Variants in DNAH6 observed in about 807,000 individuals in gnomAD.
DNAH6 encodes dynein axonemal heavy chain 6, also known as axonemal beta dynein heavy chain 6.
In DNAH6, 340 loss-of-function variants were observed where a neutral mutation model predicts 491.4. That is an observed-to-expected ratio of 0.69 (90% CI 0.63 to 0.76). DNAH6 has a LOEUF of 0.76. Among genes scored for constraint, DNAH6 ranks in the 30% least tolerant of loss-of-function variants. The pLI, the probability that DNAH6 is intolerant of heterozygous loss-of-function variation, is 0.00. For missense variants in DNAH6, 4,443 were observed against 4,972.2 expected (o/e 0.89, Z 3.20); for synonymous variants, 1,603 against 1,686.1 (o/e 0.95, Z 1.21).
Position 84,745,186 on chromosome 2 carries a change from A to G in DNAH6, c.10449A>G (p.Pro3483=), listed in dbSNP as rs763148611. 319 of 1,549,240 alleles carry G rather than the reference A, an allele frequency of 2.1e-4. No individual in the cohort carries two copies. The highest frequency in any genetic ancestry group is 2.7e-4 in the Non-Finnish European group (312 of 1,145,976). The change falls in exon 63 of 77, where the codon CCA becomes CCG. Residue 3483 remains proline, a synonymous_variant. Coordinates refer to ENST00000389394, the MANE Select transcript of DNAH6 (RefSeq NM_001370.2). ...RQEKEAAHQD[P]WSAGLSSFHK... is the part of the protein sequence containing the mutation. ...AAAAGGAGGCAGCACACCAAGATCC[A>G]TGGAGTGCAGGATTGAGTTCTTTCC... is the stretch of plus-strand genomic sequence containing the variant.
At chr2:84,672,548 A>G in intron 40 of DNAH6, 64 bp downstream of exon 40, 2 of 1,421,508 alleles carry the variant, frequency 1.4e-6, no homozygotes, top group Non-Finnish European at 1.9e-6. Context: ...TATGATGTAT[A>G]GTTTGTGAGA....
At chr2:84,519,622 T>C (rs1363685988) in intron 2 of DNAH6, among the ~76,000 whole-genome samples, 1 of 147,094 alleles carries the variant, frequency 6.8e-6, no homozygotes, top group Non-Finnish European at 1.5e-5. Flanking sequence ...TATTCTCCTC[T>C]TCCCCCCTTC....
intron 62 of DNAH6, among the ~76,000 whole-genome samples, chr2:84,738,395 G>C (rs1247261182): frequency 6.6e-6 from 1 of 151,990 alleles, no homozygotes; most frequent in Non-Finnish European, 1.5e-5. Context: ...GTCCAGAATT[G>C]GTCAATTTTC....
intron 4 of DNAH6, among the ~76,000 whole-genome samples, chr2:84,531,083 G>T (rs910580365): frequency 6.6e-6 from 1 of 152,084 alleles, no homozygotes; most frequent in Admixed American, 6.6e-5. Flanking sequence ...GGAGAAGTGG[G>T]AAAACTCAAG....
At chr2:84,698,057 A>C (rs1049818717) in intron 47 of DNAH6, among the ~76,000 whole-genome samples, 1 of 152,186 alleles carries the variant, frequency 6.6e-6, no homozygotes, top group Non-Finnish European at 1.5e-5. Context: ...CTGAAGGCAT[A>C]GGTCCAGCAT....
chr2:84,639,322 C>T (rs1352049509), intron 31 of DNAH6, among the ~76,000 whole-genome samples: 1 of 151,980 alleles, frequency 6.6e-6, no homozygotes, highest in East Asian at 1.9e-4. Flanking sequence ...TGTTATAGTA[C>T]TCAGTAATGG....
At position 84,590,457 on chromosome 2, in the gene DNAH6, C is replaced by T. The variant is rs563818539; in HGVS notation, c.2610+1503C>T. Among the ~76,000 whole-genome samples, 22 of 145,774 alleles carry T rather than the reference C, an allele frequency of 1.5e-4. 1 individual carries two copies. The highest frequency in any genetic ancestry group is 1.3e-3 in the South Asian group (6 of 4,472). On this transcript the variant is annotated intron_variant, in intron 16 of 76. Transcript: ENST00000389394. ...TTGCAGTGAGCCGAGATCGTGCCAC[C>T]GCACTCCAGCCTGGGTGACAGTGTG... is the stretch of plus-strand genomic sequence containing the variant.
intron 5 of DNAH6, among the ~76,000 whole-genome samples, chr2:84,546,416 A>G (rs1343804504): frequency 2.0e-5 from 3 of 152,174 alleles, no homozygotes; most frequent in African/African-American, 4.8e-5. Context: ...AAGTCTATTC[A>G]TCTTTAATAT....
chr2:84,656,637 T>A (rs1381235720), intron 35 of DNAH6, among the ~76,000 whole-genome samples: 1 of 152,106 alleles, frequency 6.6e-6, no homozygotes, highest in Non-Finnish European at 1.5e-5. Flanking sequence ...TTGGGTTGTT[T>A]GTTTTCTTAT....
In DNAH6 at chr2:84,812,387, T is replaced by C. The variant is rs1309585196; in HGVS notation, c.11786T>C (p.Met3929Thr). The change falls in exon 73 of 77, where the codon ATG (methionine) becomes ACG (threonine). Residue 3929 changes from methionine to threonine, a missense_variant. This residue lies in a region of DNAH6 where 1,463 missense variants were observed against 1,656.6 expected (regional missense o/e 0.88). Coordinates refer to ENST00000389394, the MANE Select transcript of DNAH6 (RefSeq NM_001370.2). ...LNKAIAGFVV[M>T]SEEMEKVYNS... ...AAAGCCATCGCTGGATTTGTGGTGA[T>C]GTCTGAAGAAATGGAAAAAGTGTAT... The C allele has an allele frequency of 1.9e-6, 3 of 1,551,914 alleles. No homozygotes were observed. The highest frequency in any genetic ancestry group is 1.7e-4 in the Middle Eastern group (1 of 6,012).
chr2:84,647,673 A>G (rs1214432505), intron 33 of DNAH6, among the ~76,000 whole-genome samples: 1 of 151,710 alleles, frequency 6.6e-6, no homozygotes, highest in African/African-American at 2.4e-5. Context: ...CCCTTTTCCC[A>G]TTTGCCCCAA....
chr2:84,630,934 A>G (rs1176209629), intron 29 of DNAH6, among the ~76,000 whole-genome samples: 1 of 152,236 alleles, frequency 6.6e-6, no homozygotes, highest in Admixed American at 6.5e-5. Context: ...CCTCTTGTGT[A>G]TGTTTGAAAT....
At chr2:84,700,322 G>C (rs754372123) in intron 48 of DNAH6, among the ~76,000 whole-genome samples, 1 of 152,166 alleles carries the variant, frequency 6.6e-6, no homozygotes, top group South Asian at 2.1e-4. Context: ...CTGAGTAACA[G>C]GTAGGGAGGC....
chr2:84,655,841 C>A (rs58304485), intron 35 of DNAH6, among the ~76,000 whole-genome samples: 1,722 of 152,172 alleles, frequency 0.011, 31 homozygotes, highest in African/African-American at 0.038. Flanking sequence ...TTAGAGTTCA[C>A]TCTTTGTGTG....
rs566798631 is a variant in DNAH6, at chr2:84,581,086, T to A, written c.2229+1407T>A. Among the ~76,000 whole-genome samples the A allele has an allele frequency of 1.1e-3, 163 of 152,378 alleles. 5 individuals carry two copies. The South Asian group carries it at 0.032, about 30-fold the overall frequency. On this transcript the variant is annotated intron_variant, in intron 14 of 76. Coordinates refer to ENST00000389394, the MANE Select transcript of DNAH6 (RefSeq NM_001370.2). The stretch of plus-strand genomic sequence containing the variant: ...GCAAGAAAGAGATAATCTCTCTTTT[T>A]CAGTATTGATTCTAAAGGCCTAGTA...
the DNAH6 span, among the ~76,000 whole-genome samples, chr2:84,497,979 C>A: frequency 6.6e-6 from 1 of 152,204 alleles, no homozygotes; most frequent in Non-Finnish European, 1.5e-5. Flanking sequence ...TGGCCCTTCC[C>A]AGCCCTTCCG....
rs17025595 is a variant in DNAH6 at position 84,814,588 on chromosome 2, G to A, written c.12150+466G>A. On this transcript the variant is annotated intron_variant, in intron 75 of 76. Transcript: ENST00000389394. ...TCAGGAAAACTTGAGGCTCCAGGAAGGTAAAGCAACACCCACATAAAAGCC... is the reference window on the plus strand; with the variant it reads ...TCAGGAAAACTTGAGGCTCCAGGAAAGTAAAGCAACACCCACATAAAAGCC... 3.5e-3 allele frequency among the ~76,000 whole-genome samples: 526 copies of A among 152,224 alleles called. 9 individuals are homozygous for A. The highest frequency in any genetic ancestry group is 0.03 in the Admixed American group (451 of 15,284).
Position 84,528,990 on chromosome 2 carries a change from T to C in DNAH6, c.486T>C (p.Thr162=). The change falls in exon 4 of 77, where the codon ACT becomes ACC. Residue 162 remains threonine, a synonymous_variant. Transcript: ENST00000389394. ...TGIGKRGLFG[T]RSSAYPKYTF... ...TTGGAAAAAGAGGTCTCTTTGGGACTAGATCTTCAGCTTACCCTAAGTACA... is the reference window on the plus strand; with the variant it reads ...TTGGAAAAAGAGGTCTCTTTGGGACCAGATCTTCAGCTTACCCTAAGTACA... 6.4e-7 allele frequency: 1 copy of C among 1,551,338 alleles called. No homozygotes were observed. The highest frequency in any genetic ancestry group is 8.7e-7 in the Non-Finnish European group (1 of 1,146,736).
chr2:84,614,033 T>C (rs1361576890), intron 22 of DNAH6, among the ~76,000 whole-genome samples: 1 of 152,076 alleles, frequency 6.6e-6, no homozygotes, highest in African/African-American at 2.4e-5. Context: ...TTTATTTATT[T>C]ATTTTTATTT....
Sources: allele counts gnomAD v4.1 joint callset (sites outside exome capture counted in the v4.1 genomes callset), GRCh38; gene constraint gnomAD v4.1.1; regional missense constraint gnomAD v4.1.1; transcripts MANE v1.5; gene names NCBI Gene and HGNC (gene_info 2026-07-23, HGNC 2026-07-21).